Variants in TRDN observed in about 807,000 individuals in gnomAD.
TRDN encodes the protein triadin, also known as triadin in skeletal muscle.
Under a neutral mutation model 149.7 loss-of-function variants are expected in TRDN, and 161 were observed. That is an observed-to-expected ratio of 1.08 (90% CI 0.95 to 1.23). The LOEUF is 1.23. TRDN is among the 50% of genes most tolerant of loss of function. The probability of loss-of-function intolerance (pLI) is 0.00; values close to 1 mark genes in which losing one functional copy is unlikely to be tolerated. For synonymous variants in TRDN, 294 were observed against 250.5 expected (o/e 1.17, Z -1.64); for missense variants, 896 against 823.5 (o/e 1.09, Z -1.08).
rs78179386 is a variant in TRDN at position 123,431,184 on chromosome 6, T to C, written c.1051+6879A>G. ...GAACGCAGATTTACAACCTAATCTGTTGTGGAACAAAAGGCTAACTTGAAA... is the reference window on the plus strand; with the variant it reads ...GAACGCAGATTTACAACCTAATCTGCTGTGGAACAAAAGGCTAACTTGAAA... On this transcript the variant is annotated intron_variant, in intron 12 of 40. Transcript: ENST00000334268. Among the ~76,000 whole-genome samples the C allele has an allele frequency of 3.4e-3, 513 of 152,288 alleles. 22 individuals carry two copies. The East Asian group carries it at 0.091, about 27-fold the overall frequency.
chr6:123,564,416 A>G (rs955065982), intron 2 of TRDN, among the ~76,000 whole-genome samples: 1 of 152,190 alleles, frequency 6.6e-6, no homozygotes. Flanking sequence ...GTGTGTGTAT[A>G]TGAGTGTAAA....
rs938031189 is a variant in TRDN, at chr6:123,605,457, T to C, written c.22+31297A>G. On this transcript the variant is annotated intron_variant, in intron 1 of 40. Coordinates refer to ENST00000334268, the MANE Select transcript of TRDN (RefSeq NM_006073.4). ...AGATGTGTAAGATGATTCATATGAT[T>C]CAAGACGGTTTAGTGATGGCAGCCA... 4.6e-5 allele frequency among the ~76,000 whole-genome samples: 7 copies of C among 151,942 alleles called. 1 individual carries two copies. The highest frequency in any genetic ancestry group is 7.2e-5 in the African/African-American group (3 of 41,460).
intron 20 of TRDN, among the ~76,000 whole-genome samples, chr6:123,359,992 G>A (rs1489399549): frequency 2.6e-5 from 4 of 152,150 alleles, no homozygotes; most frequent in African/African-American, 9.7e-5. Flanking sequence ...ACTGCGCCTG[G>A]CCGTGAAGGG....
At chr6:123,238,068 T>C (rs1775854086) in intron 38 of TRDN, among the ~76,000 whole-genome samples, 1 of 152,146 alleles carries the variant, frequency 6.6e-6, no homozygotes, top group Non-Finnish European at 1.5e-5. Context: ...GGGAATGAAA[T>C]GATATAGAAA....
chr6:123,351,565 G>A (rs932591533), intron 21 of TRDN: 2 of 979,752 alleles, frequency 2.0e-6, no homozygotes, highest in African/African-American at 1.8e-5. Context: ...ATTTTGAAAA[G>A]CCCAAGGAAA....
chr6:123,584,352 T>C (rs948320586), intron 1 of TRDN, among the ~76,000 whole-genome samples: 3 of 147,150 alleles, frequency 2.0e-5, no homozygotes, highest in African/African-American at 7.3e-5. Context: ...TGACGGCCTC[T>C]AAAAGTATTA....
At chr6:123,289,137 TTATA>T (rs1030925890) in intron 24 of TRDN, among the ~76,000 whole-genome samples, 25 of 146,834 alleles carry the variant, frequency 1.7e-4, no homozygotes, top group Non-Finnish European at 2.5e-4. Flanking sequence ...ATAAAATATG[TTATA>T]TATATTATAT....
chr6:123,494,732 A>T (rs1046531925), intron 9 of TRDN, among the ~76,000 whole-genome samples: 1 of 151,996 alleles, frequency 6.6e-6, no homozygotes, highest in Admixed American at 6.6e-5. Context: ...TTGACCTAAA[A>T]TTGAACTTTT....
intron 21 of TRDN, among the ~76,000 whole-genome samples, chr6:123,346,042 C>T (rs1487247174): frequency 1.3e-5 from 2 of 152,038 alleles, no homozygotes; most frequent in East Asian, 1.9e-4. Context: ...TTGTTGCATT[C>T]GCTAAAACTT....
intron 2 of TRDN, among the ~76,000 whole-genome samples, chr6:123,552,821 C>A (rs1346161622): frequency 6.6e-6 from 1 of 152,120 alleles, no homozygotes; most frequent in Non-Finnish European, 1.5e-5. Context: ...AGAAGATTAA[C>A]TTTTGCCATG....
chr6:123,300,502 G>C (rs992739974), intron 24 of TRDN, among the ~76,000 whole-genome samples: 1 of 151,830 alleles, frequency 6.6e-6, no homozygotes, highest in African/African-American at 2.4e-5. Flanking sequence ...GATCCACAGA[G>C]AATGAATTTC....
At chr6:123,295,504 A>C (rs965494101) in intron 24 of TRDN, among the ~76,000 whole-genome samples, 18 of 152,170 alleles carry the variant, frequency 1.2e-4, no homozygotes, top group African/African-American at 4.3e-4. Context: ...CTGCATCTAT[A>C]ATGTATTATA....
intron 14 of TRDN, among the ~76,000 whole-genome samples, chr6:123,383,686 A>G (rs1404167993): frequency 1.3e-5 from 2 of 152,130 alleles, no homozygotes; most frequent in African/African-American, 4.8e-5. Flanking sequence ...AAATAAAAAC[A>G]TAATATAAAA....
chr6:123,572,147 G>A (rs139989152), intron 1 of TRDN, among the ~76,000 whole-genome samples: 9 of 152,072 alleles, frequency 5.9e-5, no homozygotes, highest in Non-Finnish European at 8.8e-5. Flanking sequence ...AATAAGAGAA[G>A]ATTTGAATTT....
intron 4 of TRDN, among the ~76,000 whole-genome samples, chr6:123,533,391 T>G (rs959513996): frequency 2.0e-5 from 3 of 152,110 alleles, no homozygotes; most frequent in Non-Finnish European, 2.9e-5. Flanking sequence ...TAGAATCCAG[T>G]GCTGAAGGCC....
At chr6:123,247,057 T>C (rs1271670442) in intron 38 of TRDN, among the ~76,000 whole-genome samples, 2 of 152,196 alleles carry the variant, frequency 1.3e-5, no homozygotes, top group Non-Finnish European at 2.9e-5. Flanking sequence ...CAACACTCCT[T>C]CATGCTAAAA....
At chr6:123,249,011 A>G (rs533972520) in intron 38 of TRDN, among the ~76,000 whole-genome samples, 14 of 152,230 alleles carry the variant, frequency 9.2e-5, no homozygotes, top group Admixed American at 2.0e-4. Context: ...TTGAAAAGAT[A>G]CTACACCATG....
At chr6:123,324,294 C>G (rs886428977) in intron 23 of TRDN, among the ~76,000 whole-genome samples, 1 of 151,898 alleles carries the variant, frequency 6.6e-6, no homozygotes, top group African/African-American at 2.4e-5. Flanking sequence ...AGAAGACTTA[C>G]AGTAGAAATA....
At chr6:123,440,592 T>C (rs7755976) in intron 10 of TRDN, among the ~76,000 whole-genome samples, 7,273 of 152,232 alleles carry the variant, frequency 0.048, 582 homozygotes, top group African/African-American at 0.17. Flanking sequence ...TTAATTAAAA[T>C]ACAAATGACT....
Sources: allele counts gnomAD v4.1 joint callset (sites outside exome capture counted in the v4.1 genomes callset), GRCh38; gene constraint gnomAD v4.1.1; transcripts MANE v1.5; gene names NCBI Gene and HGNC (gene_info 2026-07-23, HGNC 2026-07-21).